The following HELZ variants were observed in gnomAD, a reference collection of about 807,000 sequenced individuals.
HELZ encodes helicase with zinc finger.
Under a neutral mutation model 218.2 loss-of-function variants are expected in HELZ, and 23 were observed. The ratio of observed to expected loss-of-function variants is 0.11; its 90% CI spans 0.08 to 0.15. The LOEUF (loss-of-function observed/expected upper bound fraction) is 0.15. HELZ is among the 10% of genes least tolerant of loss of function. The pLI is 1.00. For synonymous variants in HELZ, 814 were observed against 829.4 expected (o/e 0.98, Z 0.32); for missense variants, 1,813 against 2,353.7 (o/e 0.77, Z 4.75).
At chr17:67,201,879 T>C (rs2040178094) in intron 6 of HELZ, among the ~76,000 whole-genome samples, 1 of 152,200 alleles carries the variant, frequency 6.6e-6, no homozygotes, top group East Asian at 1.9e-4. Context: ...AGTTCATTTA[T>C]GAATCTGGTG....
chr17:67,195,565 T>A, intron 7 of HELZ, 95 bp from the exon 8 acceptor site: 1 of 719,526 alleles, frequency 1.4e-6, no homozygotes, highest in Non-Finnish European at 2.5e-6. Flanking sequence ...AAGGTGAAGT[T>A]GGAATACTCA....
Position 67,188,630 on chromosome 17 carries a change from A to G in HELZ, c.865-14T>C, listed in dbSNP as rs2039819120. On this transcript the variant is annotated splice_polypyrimidine_tract_variant and intron_variant, in intron 11 of 32. Coordinates refer to ENST00000358691, the MANE Select transcript of HELZ (RefSeq NM_014877.4). The surrounding 1 kb of genome is among the most constrained non-coding windows in gnomAD (Gnocchi z 4.1). ...CATTCTTGCAGGCTACAAGGAAGTT[A>G]AAATAATTCATTGAGTACAAGGGGG... 6.2e-7 allele frequency: 1 copy of G among 1,605,346 alleles called. No individual in the cohort carries two copies. Among genetic ancestry groups the G allele is most frequent in the African/African-American group, 1.3e-5 (1 of 74,794 alleles).
intron 28 of HELZ, among the ~76,000 whole-genome samples, chr17:67,112,048 T>C (rs1474298113): frequency 3.3e-5 from 5 of 152,162 alleles, no homozygotes; most frequent in Non-Finnish European, 5.9e-5. Flanking sequence ...ACTGTGCTAT[T>C]CTACAATACT....
chr17:67,131,221 C>T (rs1447413311), intron 23 of HELZ, among the ~76,000 whole-genome samples: 1 of 152,158 alleles, frequency 6.6e-6, no homozygotes, highest in Non-Finnish European at 1.5e-5. Flanking sequence ...TTTCTTATTA[C>T]ATTTTTCATT....
intron 3 of HELZ, among the ~76,000 whole-genome samples, chr17:67,227,501 A>G (rs980223796): frequency 6.6e-6 from 1 of 152,146 alleles, no homozygotes; most frequent in South Asian, 2.1e-4. Flanking sequence ...TGATTTTTTA[A>G]AACTACAAAG....
At chr17:67,099,831 G>C (rs2036867777) in intron 31 of HELZ, among the ~76,000 whole-genome samples, 1 of 149,516 alleles carries the variant, frequency 6.7e-6, no homozygotes, top group South Asian at 2.1e-4. Flanking sequence ...AAATACACTA[G>C]TTGAAATTCT....
chr17:67,176,316 C>T (rs1446208217), intron 13 of HELZ: 1 of 152,198 alleles, frequency 6.6e-6, no homozygotes, highest in Non-Finnish European at 1.5e-5. Context: ...TCATGAGCAT[C>T]ATCACTGCAT....
chr17:67,204,058 A>G (rs1456370332), intron 5 of HELZ, among the ~76,000 whole-genome samples: 1 of 152,238 alleles, frequency 6.6e-6, no homozygotes, highest in East Asian at 1.9e-4. Flanking sequence ...GATTTCTCAC[A>G]GCAACTGCTA....
intron 8 of HELZ, among the ~76,000 whole-genome samples, chr17:67,195,068 C>G (rs549393699): frequency 1.1e-4 from 16 of 152,184 alleles, no homozygotes; most frequent in African/African-American, 3.9e-4. Flanking sequence ...GCTCACAGAT[C>G]AAAACTTCCA....
chr17:67,225,968 T>C lies in HELZ; in HGVS notation c.-18-7146A>G, dbSNP rs1014975495. Among the ~76,000 whole-genome samples, 67 of 151,476 alleles carry C rather than the reference T, an allele frequency of 4.4e-4. 1 individual carries two copies. Among genetic ancestry groups the C allele is most frequent in the Non-Finnish European group, 5.6e-4 (38 of 67,866 alleles). ...TGAAAAAGGATTCAGATCTGAAATA[T>C]AAAGAACTCCCTGACGGGCGTGGTG... On this transcript the variant is annotated intron_variant, in intron 3 of 32. Transcript: ENST00000358691.
At chr17:67,084,437 C>T (rs1248689444) in intron 32 of HELZ, among the ~76,000 whole-genome samples, 5 of 151,070 alleles carry the variant, frequency 3.3e-5, no homozygotes, top group South Asian at 2.1e-4. Context: ...CCGAGGCGGG[C>T]GGATCACAAG....
chr17:67,114,367 T>C lies in HELZ; in HGVS notation c.3875A>G (p.Asn1292Ser), dbSNP rs772686066. ...CTTTTTCTCTGGTGTTCGAATCTTA[T>C]TAATTTCAGGTCCGGAATTATTTGT... ...SDTNNSGPEI[N>S]KIRTPEKKPT... is the part of the protein sequence containing the mutation. The change falls in exon 28 of 33, where the codon AAT becomes AGT. Residue 1292 changes from asparagine (N) to serine (S), a missense_variant. Around this residue, in one of 4 missense-constraint regions of HELZ, gnomAD observed 938 missense variants for 1,027.5 expected, o/e 0.91. Transcript: ENST00000358691. The C allele has an allele frequency of 1.9e-6, 3 of 1,611,372 alleles. No homozygotes were observed. The highest frequency in any genetic ancestry group is 2.2e-5 in the East Asian group (1 of 44,804).
intron 3 of HELZ, among the ~76,000 whole-genome samples, chr17:67,222,183 C>T (rs1412593832): frequency 1.3e-5 from 2 of 152,092 alleles, no homozygotes; most frequent in African/African-American, 2.4e-5. Context: ...ACATACAATA[C>T]GGTATAGACA....
intron 12 of HELZ, among the ~76,000 whole-genome samples, chr17:67,181,832 C>G (rs899998554): frequency 2.0e-5 from 3 of 151,946 alleles, no homozygotes; most frequent in Non-Finnish European, 2.9e-5. Flanking sequence ...TATGCAAAAC[C>G]CATTTCTCTT....
At position 67,191,702 on chromosome 17, in the gene HELZ, T is replaced by C. The variant is rs572019079; in HGVS notation, c.558-1347A>G. ...CCTGACCTCAAGTGATCCACCTGCC[T>C]TGGCCTCCCAAAGAGCTGGGATTAC... On this transcript the variant is annotated intron_variant, in intron 9 of 32. Transcript: ENST00000358691. Among the ~76,000 whole-genome samples, 3 of 150,952 alleles carry C rather than the reference T, an allele frequency of 2.0e-5. No homozygotes were observed. The South Asian group carries it at 6.3e-4, about 32-fold the overall frequency.
intron 2 of HELZ, 125 bp downstream of exon 2, chr17:67,243,659 T>C (rs1477804648): frequency 6.6e-6 from 1 of 152,182 alleles, no homozygotes; most frequent in African/African-American, 2.4e-5. Context: ...ATAGACCCAC[T>C]GACTGAGTGA....
chr17:67,098,846 A>G (rs2036833533), intron 31 of HELZ, among the ~76,000 whole-genome samples: 1 of 152,238 alleles, frequency 6.6e-6, no homozygotes, highest in Non-Finnish European at 1.5e-5. Flanking sequence ...GACAAATCCA[A>G]GCCTATTTAT....
At position 67,077,998 on chromosome 17, in the gene HELZ, G is replaced by GT; in HGVS notation, c.*253dup. 1 of 243,912 alleles carries GT rather than the reference G, an allele frequency of 4.1e-6. No homozygotes were observed. Among genetic ancestry groups the GT allele is most frequent in the South Asian group, 7.6e-5 (1 of 13,076 alleles). The allele number at this position is 243,912 out of a possible 1,614,324, so 15.1% of individuals were successfully genotyped here. ...GGCTGCTAGCTTGATGCAAACATAT[G>GT]TAACAATACACAAATTTAAAAATTT... On this transcript the variant is annotated 3_prime_UTR_variant, in exon 33 of 33. Transcript: ENST00000358691.
chr17:67,128,589 T>C (rs759655561), intron 24 of HELZ, 62 bp downstream of exon 24: 4 of 1,413,010 alleles, frequency 2.8e-6, no homozygotes, highest in African/African-American at 2.8e-5. Context: ...CCAATAAACC[T>C]TTGGCACTTC....
Sources: gnomAD v4.1 joint callset for allele counts (sites outside exome capture counted in the v4.1 genomes callset) on GRCh38, gnomAD v4.1.1 for gene constraint, gnomAD v4.1.1 regional missense constraint, Gnocchi (gnomAD v3.1) non-coding constraint, MANE v1.5 for transcripts, NCBI Gene and HGNC (gene_info 2026-07-23, HGNC 2026-07-21) for gene names.